PDE1C: variants seen among roughly 807,000 people sequenced by gnomAD.
The protein encoded by PDE1C is dual specificity calcium/calmodulin-dependent 3',5'-cyclic nucleotide phosphodiesterase 1C.
A neutral mutation model predicts 93.1 loss-of-function variants in PDE1C; 62 were observed. The observed-to-expected ratio is 0.67, with a 90% confidence interval of 0.54 to 0.82. The LOEUF (loss-of-function observed/expected upper bound fraction) is 0.82, where lower values mean the gene tolerates loss of function less well. Among genes scored for constraint, PDE1C ranks in the 40% least tolerant of loss-of-function variants. The probability of loss-of-function intolerance (pLI) is 0.00; values close to 1 mark genes in which losing one functional copy is unlikely to be tolerated. For missense variants in PDE1C, 742 were observed against 884.6 expected (o/e 0.84, Z 2.04); for synonymous variants, 325 against 310.1 (o/e 1.05, Z -0.50).
At chr7:31,759,525 C>T (rs1196094126) in intron 17 of PDE1C, among the ~76,000 whole-genome samples, 2 of 152,140 alleles carry the variant, frequency 1.3e-5, no homozygotes, top group Non-Finnish European at 2.9e-5. Context: ...AAAAGTCTGG[C>T]CTCATCTCTT....
chr7:32,415,083 A>C (rs1427890105), intron 1 of PDE1C, among the ~76,000 whole-genome samples: 2 of 152,124 alleles, frequency 1.3e-5, no homozygotes, highest in Non-Finnish European at 2.9e-5. Context: ...TAATCTCAAC[A>C]CTTTGGGAGG....
intron 1 of PDE1C, among the ~76,000 whole-genome samples, chr7:32,411,793 G>A (rs540427611): frequency 4.6e-5 from 7 of 151,666 alleles, no homozygotes; most frequent in East Asian, 1.9e-4. Context: ...GTAATAACAC[G>A]TAGCTTAAAA....
intron 2 of PDE1C, among the ~76,000 whole-genome samples, chr7:32,002,800 C>A (rs1206770360): frequency 6.6e-6 from 1 of 152,008 alleles, no homozygotes; most frequent in Non-Finnish European, 1.5e-5. Context: ...TTCCTGAAAC[C>A]AAAACAGGTT....
At chr7:32,232,100 CTATTTGA>C (rs1373067017) in intron 1 of PDE1C, among the ~76,000 whole-genome samples, 1 of 151,970 alleles carries the variant, frequency 6.6e-6, no homozygotes, top group Non-Finnish European at 1.5e-5. Flanking sequence ...CATGGAACAC[CTATTTGA>C]GGATGCTGAA....
intron 2 of PDE1C, among the ~76,000 whole-genome samples, chr7:31,899,744 G>A (rs1799748506): frequency 6.6e-6 from 1 of 152,170 alleles, no homozygotes; most frequent in Non-Finnish European, 1.5e-5. Context: ...GTAAATAGCA[G>A]ATTAATCTAT....
the PDE1C span, among the ~76,000 whole-genome samples, chr7:31,682,582 A>T: frequency 6.6e-6 from 1 of 152,222 alleles, no homozygotes; most frequent in Admixed American, 6.5e-5. Context: ...TATAAAATTA[A>T]ACATGCCACT....
intron 7 of PDE1C, among the ~76,000 whole-genome samples, chr7:31,862,718 C>T (rs531829991): frequency 1.4e-3 from 211 of 152,294 alleles, no homozygotes; most frequent in African/African-American, 5.0e-3. Context: ...GTTAGGATTT[C>T]AGCAGAGGAA....
chr7:31,742,557 C>A, the PDE1C span, among the ~76,000 whole-genome samples: 6 of 152,152 alleles, frequency 3.9e-5, no homozygotes, highest in East Asian at 1.2e-3. Context: ...TTTTCTAAAG[C>A]AGCACTTGCC....
chr7:32,235,416 A>AG (rs1440847265), intron 1 of PDE1C, among the ~76,000 whole-genome samples: 23 of 137,428 alleles, frequency 1.7e-4, no homozygotes, highest in Admixed American at 6.3e-4. Flanking sequence ...CAAGGAATCT[A>AG]CAAAAAAAAA....
intron 2 of PDE1C, among the ~76,000 whole-genome samples, chr7:32,002,706 T>G (rs889633397): frequency 6.6e-6 from 1 of 152,186 alleles, no homozygotes; most frequent in Non-Finnish European, 1.5e-5. Context: ...TATGAAATTT[T>G]GCACAGATTT....
chr7:32,158,627 T>A (rs765200990), intron 3 of PDE1C, among the ~76,000 whole-genome samples: 2 of 152,226 alleles, frequency 1.3e-5, no homozygotes, highest in Non-Finnish European at 2.9e-5. Context: ...ACACCCAGTG[T>A]TTAATCACTG....
At chr7:32,082,654 A>C (rs7807965) in intron 3 of PDE1C, among the ~76,000 whole-genome samples, 94,770 of 151,630 alleles carry the variant, frequency 0.63, 29,958 homozygotes, top group African/African-American at 0.71. Context: ...CTGAGACAAA[A>C]CTTCCAGAGG....
At chr7:31,812,729 C>T (rs1291964093) in intron 15 of PDE1C, among the ~76,000 whole-genome samples, 1 of 152,256 alleles carries the variant, frequency 6.6e-6, no homozygotes, top group South Asian at 2.1e-4. Flanking sequence ...TATTTACTAT[C>T]TTGTCCCTTA....
At chr7:32,130,506 G>A (rs1799855726) in intron 3 of PDE1C, among the ~76,000 whole-genome samples, 1 of 152,000 alleles carries the variant, frequency 6.6e-6, no homozygotes, top group Admixed American at 6.6e-5. Context: ...AGGTACTACT[G>A]TCCTAGTATG....
At chr7:32,393,423 C>T (rs1175257702) in intron 1 of PDE1C, among the ~76,000 whole-genome samples, 2 of 152,168 alleles carry the variant, frequency 1.3e-5, no homozygotes, top group Non-Finnish European at 2.9e-5. Flanking sequence ...ATTTCTTCTT[C>T]TCCTTCTAAC....
At chr7:32,261,908 A>T (rs1459048654) in intron 1 of PDE1C, among the ~76,000 whole-genome samples, 1 of 152,114 alleles carries the variant, frequency 6.6e-6, no homozygotes, top group African/African-American at 2.4e-5. Flanking sequence ...CTAATGGGCT[A>T]AAATTATCCT....
rs150747905 is a variant in PDE1C at position 31,814,388 on chromosome 7, G to A, written c.1813+1536C>T. ...AGCAATCTCCAGAAGGGGGCAGGAC[G>A]AGTCGGGACAATGGCCTTCTGTGCC... is the stretch of plus-strand genomic sequence containing the variant. On this transcript the variant is annotated intron_variant, in intron 15 of 17. Coordinates refer to ENST00000396191, the MANE Select transcript of PDE1C (RefSeq NM_001191057.4). Among the ~76,000 whole-genome samples, 637 of 152,130 alleles carry A rather than the reference G, an allele frequency of 4.2e-3. 12 individuals carry two copies. Among genetic ancestry groups the A allele is most frequent in the Non-Finnish European group, 2.9e-3 (198 of 67,986 alleles).
At chr7:31,676,146 G>A in the PDE1C span, among the ~76,000 whole-genome samples, 1 of 152,192 alleles carries the variant, frequency 6.6e-6, no homozygotes, top group Admixed American at 6.5e-5. Flanking sequence ...AGATACGCCA[G>A]TGCAGCTAAG....
At chr7:31,992,891 T>C (rs1408650747) in intron 2 of PDE1C, among the ~76,000 whole-genome samples, 2 of 152,188 alleles carry the variant, frequency 1.3e-5, no homozygotes, top group African/African-American at 2.4e-5. Flanking sequence ...ATATAGTTAG[T>C]TGAAGTGTTA....
Sources: allele counts gnomAD v4.1 joint callset (sites outside exome capture counted in the v4.1 genomes callset), GRCh38; gene constraint gnomAD v4.1.1; transcripts MANE v1.5; gene names NCBI Gene and HGNC (gene_info 2026-07-23, HGNC 2026-07-21).